The following PAPSS1 variants were observed in gnomAD, a reference collection of about 807,000 sequenced individuals.
PAPSS1 encodes 3'-phosphoadenosine 5'-phosphosulfate synthase 1, also known as bifunctional 3'-phosphoadenosine 5'-phosphosulfate synthase 1.
A neutral mutation model predicts 72.0 loss-of-function variants in PAPSS1; 50 were observed. The ratio of observed to expected loss-of-function variants is 0.69; its 90% confidence interval spans 0.55 to 0.88. The LOEUF (loss-of-function observed/expected upper bound fraction) is 0.88. Ranked by LOEUF, PAPSS1 falls within the 40% of genes least tolerant of loss-of-function variation. PAPSS1 has a pLI of 0.00. For synonymous variants in PAPSS1, 261 were observed against 263.6 expected (o/e 0.99, Z 0.09); for missense variants, 657 against 782.2 (o/e 0.84, Z 1.91).
At chr4:107,713,309 G>C (rs1403083520) in intron 1 of PAPSS1, among the ~76,000 whole-genome samples, 1 of 152,140 alleles carries the variant, frequency 6.6e-6, no homozygotes, top group Non-Finnish European at 1.5e-5. Context: ...GTACATTATT[G>C]GTTGTCAGGG....
At chr4:107,673,138 C>G (rs192759985) in intron 5 of PAPSS1, among the ~76,000 whole-genome samples, 5 of 152,306 alleles carry the variant, frequency 3.3e-5, no homozygotes, top group Admixed American at 2.6e-4. Context: ...ATTGGAAACT[C>G]TAAAAATCAG....
chr4:107,691,739 T>C (rs562472599), intron 3 of PAPSS1, among the ~76,000 whole-genome samples: 1 of 152,288 alleles, frequency 6.6e-6, no homozygotes, highest in South Asian at 2.1e-4. Context: ...GTGTCCCCAC[T>C]AGGAGACAAG....
At chr4:107,694,782 G>C (rs185649746) in intron 2 of PAPSS1, among the ~76,000 whole-genome samples, 2 of 152,202 alleles carry the variant, frequency 1.3e-5, no homozygotes, top group East Asian at 1.9e-4. Context: ...TATACCAACA[G>C]TATTTACTCA....
chr4:107,654,360 C>T (rs76590898), intron 8 of PAPSS1, among the ~76,000 whole-genome samples: 1,540 of 152,288 alleles, frequency 0.01, 29 homozygotes, highest in African/African-American at 0.034. Flanking sequence ...ACCTCACACG[C>T]TCATTATAAG....
intron 11 of PAPSS1, among the ~76,000 whole-genome samples, chr4:107,631,353 A>AC (rs1726220739): frequency 6.6e-6 from 1 of 152,238 alleles, no homozygotes; most frequent in African/African-American, 2.4e-5. Flanking sequence ...CAAACTAGTT[A>AC]TGCTCAGTAA....
Position 107,672,155 on chromosome 4 carries a change from G to T in PAPSS1, c.669+9860C>A, listed in dbSNP as rs113841650. On this transcript the variant is annotated intron_variant, in intron 5 of 11. Coordinates refer to ENST00000265174, the MANE Select transcript of PAPSS1 (RefSeq NM_005443.5). ...CCAGTGTGAGCGACGCAGAAGACGG[G>T]TGATTTCTGCATTTCCAACTGAGGC... is the stretch of plus-strand genomic sequence containing the variant. Among the ~76,000 whole-genome samples the T allele has an allele frequency of 6.8e-3, 1,031 of 152,314 alleles. 12 individuals carry two copies. The highest frequency in any genetic ancestry group is 0.022 in the African/African-American group (921 of 41,580).
intron 5 of PAPSS1, among the ~76,000 whole-genome samples, chr4:107,680,323 G>GA (rs925580324): frequency 1.1e-4 from 17 of 148,278 alleles, no homozygotes; most frequent in African/African-American, 3.2e-4. Flanking sequence ...ATTCAGACAT[G>GA]AAAAAAAAAT....
At chr4:107,635,080 G>C (rs540778457) in intron 10 of PAPSS1, among the ~76,000 whole-genome samples, 1 of 152,260 alleles carries the variant, frequency 6.6e-6, no homozygotes, top group South Asian at 2.1e-4. Flanking sequence ...TTACAGGCGT[G>C]AGCCACCGCG....
chr4:107,653,642 A>C lies in PAPSS1; in HGVS notation c.1102-16T>G. 1 of 1,604,984 alleles carries C rather than the reference A, an allele frequency of 6.2e-7. No homozygotes were observed. Among genetic ancestry groups the C allele is most frequent in the South Asian group, 1.1e-5 (1 of 89,154 alleles). Reference sequence around the variant, plus strand: ...CCATCACCATCTAATAGGAAAAACAAATTTTTTTAATGGAAACCGAGATCA... The same window carrying C: ...CCATCACCATCTAATAGGAAAAACACATTTTTTTAATGGAAACCGAGATCA... On this transcript the variant is annotated splice_polypyrimidine_tract_variant and intron_variant, in intron 8 of 11. Transcript: ENST00000265174.
intron 5 of PAPSS1, among the ~76,000 whole-genome samples, chr4:107,660,784 C>T (rs919931401): frequency 6.6e-6 from 1 of 152,178 alleles, no homozygotes; most frequent in Non-Finnish European, 1.5e-5. Flanking sequence ...TGTTTAATCA[C>T]TTTAATTTGT....
chr4:107,676,770 C>A (rs1210833557), intron 5 of PAPSS1, among the ~76,000 whole-genome samples: 7 of 152,158 alleles, frequency 4.6e-5, no homozygotes, highest in African/African-American at 1.7e-4. Flanking sequence ...CATCACACTA[C>A]CTGACTTCAA....
At chr4:107,637,178 T>C (rs535907649) in intron 10 of PAPSS1, among the ~76,000 whole-genome samples, 1 of 152,332 alleles carries the variant, frequency 6.6e-6, no homozygotes, top group African/African-American at 2.4e-5. Context: ...CCTTCAGAGT[T>C]AGAATTGTTC....
At chr4:107,644,344 G>A (rs1003687908) in intron 10 of PAPSS1, among the ~76,000 whole-genome samples, 2 of 152,194 alleles carry the variant, frequency 1.3e-5, no homozygotes, top group Non-Finnish European at 2.9e-5. Flanking sequence ...CCTATACCTA[G>A]AGGAAAGGAA....
At chr4:107,699,983 T>C (rs35854916) in intron 2 of PAPSS1, among the ~76,000 whole-genome samples, 1,576 of 152,214 alleles carry the variant, frequency 0.01, 16 homozygotes, top group Admixed American at 0.019. Context: ...AAATAACTGA[T>C]GGGAAGCTAC....
intron 11 of PAPSS1, among the ~76,000 whole-genome samples, chr4:107,618,988 C>A (rs530268704): frequency 3.9e-5 from 6 of 152,258 alleles, no homozygotes; most frequent in African/African-American, 1.4e-4. Flanking sequence ...CACTTATTGG[C>A]TCCCTAAATA....
chr4:107,660,703 C>T (rs1175481204), intron 5 of PAPSS1, among the ~76,000 whole-genome samples: 5 of 152,198 alleles, frequency 3.3e-5, no homozygotes, highest in Admixed American at 3.3e-4. Flanking sequence ...CATTTACATA[C>T]TGCTCATTAG....
chr4:107,635,374 C>CT (rs951042395), intron 10 of PAPSS1, among the ~76,000 whole-genome samples: 2 of 152,102 alleles, frequency 1.3e-5, no homozygotes, highest in African/African-American at 4.8e-5. Context: ...ATTTGCTGAT[C>CT]TTTTTTCACT....
At chr4:107,645,961 T>A (rs72883554) in intron 9 of PAPSS1, among the ~76,000 whole-genome samples, 5,326 of 152,248 alleles carry the variant, frequency 0.035, 285 homozygotes, top group African/African-American at 0.12. Flanking sequence ...GACTGTGGCA[T>A]CCTACTTAAC....
At chr4:107,703,004 C>G (rs1308178071) in intron 1 of PAPSS1, among the ~76,000 whole-genome samples, 6 of 152,134 alleles carry the variant, frequency 3.9e-5, no homozygotes, top group African/African-American at 1.4e-4. Flanking sequence ...CACATCCTCA[C>G]CAACACTTTT....
Sources: gnomAD v4.1 joint callset for allele counts (sites outside exome capture counted in the v4.1 genomes callset) on GRCh38, gnomAD v4.1.1 for gene constraint, MANE v1.5 for transcripts, NCBI Gene and HGNC (gene_info 2026-07-23, HGNC 2026-07-21) for gene names.